The following VCL variants were observed in gnomAD, a reference collection of about 807,000 sequenced individuals.
VCL encodes the protein vinculin.
VCL carries 47 observed loss-of-function variants against 125.7 expected under a neutral mutation model. That is an observed-to-expected ratio of 0.37 (90% confidence interval 0.30 to 0.48). VCL has a LOEUF of 0.48. Among genes scored for constraint, VCL ranks in the 20% least tolerant of loss-of-function variants. The pLI, the probability that VCL is intolerant of heterozygous loss-of-function variation, is 0.99. For missense variants in VCL, 1,069 were observed against 1,455.5 expected (o/e 0.73, Z 4.32); for synonymous variants, 458 against 514.6 (o/e 0.89, Z 1.49).
chr10:74,043,164 G>A lies in VCL; in HGVS notation c.239+11G>A, dbSNP rs918332199. 9 of 1,608,718 alleles carry A rather than the reference G, an allele frequency of 5.6e-6. No homozygotes were observed. The highest frequency in any genetic ancestry group is 4.5e-5 in the East Asian group (2 of 44,696). ...ACCAGCATTTATTAAGTGAGTAATT[G>A]AAATATTCTTCTGTTGCTAAGCAGA... On this transcript the variant is annotated intron_variant, in intron 2 of 21. Coordinates refer to ENST00000211998, the MANE Select transcript of VCL (RefSeq NM_014000.3).
At chr10:74,027,400 C>T (rs898578403) in intron 1 of VCL, among the ~76,000 whole-genome samples, 1 of 150,446 alleles carries the variant, frequency 6.6e-6, no homozygotes, top group African/African-American at 2.4e-5. Context: ...AGATGTCATG[C>T]CTGTAATCCC....
chr10:74,072,518 G>A (rs1033699371), intron 4 of VCL, among the ~76,000 whole-genome samples: 1 of 152,164 alleles, frequency 6.6e-6, no homozygotes, highest in Admixed American at 6.5e-5. Flanking sequence ...ATATGAAAAT[G>A]TTTATCACAT....
intron 15 of VCL, among the ~76,000 whole-genome samples, chr10:74,104,319 A>G (rs1425728680): frequency 6.6e-6 from 1 of 152,206 alleles, no homozygotes; most frequent in African/African-American, 2.4e-5. Flanking sequence ...AGGAACCACA[A>G]TAGCTACCAT....
chr10:74,069,868 C>T (rs1841635951), intron 2 of VCL, among the ~76,000 whole-genome samples: 1 of 152,174 alleles, frequency 6.6e-6, no homozygotes, highest in South Asian at 2.1e-4. Flanking sequence ...ATCCCCCGCC[C>T]AGCTCCCCTT....
At chr10:74,052,227 C>T (rs774731613) in intron 2 of VCL, among the ~76,000 whole-genome samples, 2 of 152,122 alleles carry the variant, frequency 1.3e-5, no homozygotes, top group Admixed American at 1.3e-4. Context: ...GGTCCAGTGT[C>T]CACGCCCTGC....
intron 10 of VCL, among the ~76,000 whole-genome samples, chr10:74,091,227 T>C (rs1424350549): frequency 6.6e-6 from 1 of 152,214 alleles, no homozygotes; most frequent in Non-Finnish European, 1.5e-5. Flanking sequence ...TAGGACCTAA[T>C]GGAAGTCCAT....
intron 1 of VCL, among the ~76,000 whole-genome samples, chr10:73,998,665 G>A (rs1840164333): frequency 6.6e-6 from 1 of 152,244 alleles, no homozygotes; most frequent in African/African-American, 2.4e-5. Context: ...AGTGCCTCGC[G>A]CGGCGTGTGG....
intron 1 of VCL, among the ~76,000 whole-genome samples, chr10:74,011,254 A>G (rs1327474969): frequency 6.6e-6 from 1 of 151,792 alleles, no homozygotes; most frequent in African/African-American, 2.4e-5. Flanking sequence ...GCAAAGAGGT[A>G]GAGTGGGATA....
chr10:74,044,676 G>A (rs1841162086), intron 2 of VCL, among the ~76,000 whole-genome samples: 1 of 152,146 alleles, frequency 6.6e-6, no homozygotes, highest in African/African-American at 2.4e-5. Context: ...GTTCCCTAAA[G>A]ATACTCGTCC....
At position 74,119,544 on chromosome 10, in the gene VCL, A is replaced by G. The variant is rs1282772634; in HGVS notation, c.*1375A>G. On this transcript the variant is annotated 3_prime_UTR_variant, in exon 22 of 22. Transcript: ENST00000211998. ...TTCCTACTAGGCAAAATGAGAGGGC[A>G]GTGTTTCCTTTTTGGTACTTATTAC... The G allele has an allele frequency of 6.6e-6, 1 of 152,228 alleles. No homozygotes were observed. The highest frequency in any genetic ancestry group is 2.4e-5 in the African/African-American group (1 of 41,448). The allele number at this position is 152,228 out of a possible 1,614,324, so 9.4% of individuals were successfully genotyped here.
chr10:74,006,633 GATGCCACTTGTGGAAA>G (rs1346868917), intron 1 of VCL, among the ~76,000 whole-genome samples: 5 of 152,182 alleles, frequency 3.3e-5, no homozygotes, highest in African/African-American at 1.2e-4. Flanking sequence ...GTATTGACGT[GATGCCACTTGTGGAAA>G]ATTCCACATC....
chr10:74,067,965 T>C (rs1237485512), intron 2 of VCL, among the ~76,000 whole-genome samples: 32 of 152,254 alleles, frequency 2.1e-4, no homozygotes, highest in Admixed American at 2.0e-3. Context: ...TTGTACACTT[T>C]GAAATGGTTA....
chr10:74,021,418 G>C (rs543975376), intron 1 of VCL, among the ~76,000 whole-genome samples: 2 of 151,702 alleles, frequency 1.3e-5, no homozygotes, highest in African/African-American at 4.8e-5. Flanking sequence ...AACAAGAAAA[G>C]ATAGATAAAA....
At chr10:74,054,119 T>G (rs1841355292) in intron 2 of VCL, among the ~76,000 whole-genome samples, 1 of 152,286 alleles carries the variant, frequency 6.6e-6, no homozygotes, top group Non-Finnish European at 1.5e-5. Flanking sequence ...CTCTTTTGCT[T>G]GGGTATAGAG....
intron 16 of VCL, 85 bp downstream of exon 16, chr10:74,105,438 C>A: frequency 6.4e-7 from 1 of 1,555,568 alleles, no homozygotes; most frequent in Non-Finnish European, 8.8e-7. Context: ...CCCACAACCA[C>A]CACATACAAA....
In VCL at chr10:74,070,970, T is replaced by C. The variant is rs1325633288; in HGVS notation, c.391-5T>C. 2 of 1,614,014 alleles carry C rather than the reference T, an allele frequency of 1.2e-6. No individual in the cohort carries two copies. The highest frequency in any genetic ancestry group is 2.7e-5 in the African/African-American group (2 of 74,944). ...GTGATTGAATACTCTGAAATATTTT[T>C]TCAGGTCCGTAAAATTATTAGAGTT... On this transcript the variant is annotated splice_region_variant and splice_polypyrimidine_tract_variant and intron_variant, in intron 3 of 21. Transcript: ENST00000211998.
intron 2 of VCL, among the ~76,000 whole-genome samples, chr10:74,051,477 A>C (rs140129186): frequency 6.6e-6 from 1 of 152,230 alleles, no homozygotes; most frequent in Non-Finnish European, 1.5e-5. Flanking sequence ...CAATTTCTTA[A>C]ATACCTTGTA....
At position 74,070,919 on chromosome 10, in the gene VCL, A is replaced by G. The variant is rs1841654483; in HGVS notation, c.391-56A>G. 6 of 1,611,220 alleles carry G rather than the reference A, an allele frequency of 3.7e-6. No individual in the cohort carries two copies. The African/African-American group carries it at 8.0e-5, about 22-fold the overall frequency. The stretch of plus-strand genomic sequence containing the variant: ...ATGTTGAATGCTGCACATCTGTGTT[A>G]CCGTGTTTGCTAGTTGTCCACCCAT... On this transcript the variant is annotated intron_variant, in intron 3 of 21. Coordinates refer to ENST00000211998, the MANE Select transcript of VCL (RefSeq NM_014000.3).
rs535598508 is a variant in VCL, at chr10:74,105,971, A to G, written c.2434+618A>G. Among the ~76,000 whole-genome samples, 15 of 142,384 alleles carry G rather than the reference A, an allele frequency of 1.1e-4. No homozygotes were observed. The South Asian group carries it at 3.3e-3, about 32-fold the overall frequency. The allele number at this position is 142,384 out of a possible 152,430, so 93.4% of individuals were successfully genotyped here. A position where few individuals can be genotyped will look rare whatever the true frequency, so the allele number is the denominator to read the frequency against. On this transcript the variant is annotated intron_variant, in intron 16 of 21. Transcript: ENST00000211998. ...TTGCTCTTGTTGCCCAGGCTGGAGTACAATGGCACAATCTTGGCTCACTGC... is the reference window on the plus strand; with the variant it reads ...TTGCTCTTGTTGCCCAGGCTGGAGTGCAATGGCACAATCTTGGCTCACTGC...
Sources: gnomAD v4.1 joint callset for allele counts (sites outside exome capture counted in the v4.1 genomes callset) on GRCh38, gnomAD v4.1.1 for gene constraint, MANE v1.5 for transcripts, NCBI Gene and HGNC (gene_info 2026-07-23, HGNC 2026-07-21) for gene names.